NELL1: variants seen among roughly 807,000 people sequenced by gnomAD.
NELL1 encodes the protein neural EGFL like 1.
Under a neutral mutation model 107.4 loss-of-function variants are expected in NELL1, and 76 were observed. The ratio of observed to expected loss-of-function variants is 0.71; its 90% confidence interval spans 0.59 to 0.86. The LOEUF is 0.86. Among genes scored for constraint, NELL1 ranks in the 40% least tolerant of loss-of-function variants. NELL1 has a pLI of 0.00. For missense variants in NELL1, 1,024 were observed against 1,005.5 expected (o/e 1.02, Z -0.25); for synonymous variants, 353 against 341.2 (o/e 1.03, Z -0.38).
chr11:20,721,115 A>T (rs1855370848), intron 2 of NELL1, among the ~76,000 whole-genome samples: 1 of 150,164 alleles, frequency 6.7e-6, no homozygotes, highest in South Asian at 2.1e-4. Flanking sequence ...AGCTTCCAAC[A>T]ATACAGTCTC....
At chr11:21,172,257 C>G (rs1192385428) in intron 13 of NELL1, among the ~76,000 whole-genome samples, 1 of 151,860 alleles carries the variant, frequency 6.6e-6, no homozygotes, top group Non-Finnish European at 1.5e-5. Context: ...TTCTGCAGGA[C>G]AAAACCACAT....
intron 2 of NELL1, among the ~76,000 whole-genome samples, chr11:20,678,530 T>C (rs541453775): frequency 8.5e-5 from 13 of 152,310 alleles, no homozygotes; most frequent in African/African-American, 3.1e-4. Context: ...CACAATTCAT[T>C]AAATCATTCA....
chr11:21,255,849 A>T (rs114422155), intron 14 of NELL1, among the ~76,000 whole-genome samples: 3 of 151,750 alleles, frequency 2.0e-5, no homozygotes, highest in Non-Finnish European at 1.5e-5. Context: ...TGCTTTGTCT[A>T]TTTTCATACT....
At chr11:21,261,505 A>G (rs1168761744) in intron 14 of NELL1, among the ~76,000 whole-genome samples, 2 of 151,602 alleles carry the variant, frequency 1.3e-5, no homozygotes, top group African/African-American at 4.8e-5. Context: ...TGAGCTAGGC[A>G]CTGTTCAAAT....
Position 21,570,788 on chromosome 11 carries a change from A to C in NELL1, c.2005A>C (p.Thr669Pro), listed in dbSNP as rs770217030. ...CKDGKIFCRR[T>P]ACDCQNPSAD... Reference sequence around the variant, plus strand: ...GGATGGCAAGATATTCTGCCGACGGACAGCTTGTGATTGCCAGAATCCAAG... The same window carrying C: ...GGATGGCAAGATATTCTGCCGACGGCCAGCTTGTGATTGCCAGAATCCAAG... The change falls in exon 18 of 20, where the codon ACA becomes CCA. Residue 669 changes from threonine (T) to proline (P), a missense_variant. Physicochemically the swap from Thr to Pro is conservative, Grantham distance 38. Coordinates refer to ENST00000357134, the MANE Select transcript of NELL1 (RefSeq NM_006157.5). The C allele has an allele frequency of 3.7e-6, 6 of 1,611,174 alleles. No individual in the cohort carries two copies. Among genetic ancestry groups the C allele is most frequent in the Non-Finnish European group, 5.1e-6 (6 of 1,178,420 alleles).
chr11:20,902,738 G>T (rs948320494), intron 5 of NELL1, among the ~76,000 whole-genome samples: 16 of 151,922 alleles, frequency 1.1e-4, no homozygotes, highest in African/African-American at 3.9e-4. Context: ...ATCAATAGGA[G>T]AATGTTTAAA....
chr11:21,512,562 G>T (rs1208988076), intron 15 of NELL1, among the ~76,000 whole-genome samples: 2 of 152,076 alleles, frequency 1.3e-5, no homozygotes, highest in African/African-American at 4.8e-5. Context: ...CCAGGAGAGG[G>T]TCTAATTCAA....
intron 14 of NELL1, among the ~76,000 whole-genome samples, chr11:21,317,808 A>G (rs1170061774): frequency 6.6e-6 from 1 of 152,154 alleles, no homozygotes. Context: ...AGGCATTTAT[A>G]GTCTCTGGGC....
At position 21,142,849 on chromosome 11, in the gene NELL1, T is replaced by A. The variant is rs75792427; in HGVS notation, c.1426+29135T>A. 9.5e-3 allele frequency among the ~76,000 whole-genome samples: 1,454 copies of A among 152,314 alleles called. 64 individuals carry two copies. In the East Asian group the frequency reaches 0.11, roughly 12 times the overall value. On this transcript the variant is annotated intron_variant, in intron 13 of 19. Transcript: ENST00000357134. ...CATGAGATAACTAAAAGGATCACTA[T>A]TTTGTGTTGCTGAACCTAATCCTAA...
intron 4 of NELL1, among the ~76,000 whole-genome samples, chr11:20,863,371 C>T (rs1304228665): frequency 1.9e-5 from 1 of 53,160 alleles, no homozygotes; most frequent in Non-Finnish European, 5.8e-5. Context: ...GGGGCTGCCC[C>T]CCACCTCCCT....
Position 20,669,729 on chromosome 11 carries a change from G to A in NELL1, c.6G>A (p.Pro2=). The A allele has an allele frequency of 3.7e-6, 6 of 1,613,432 alleles. No homozygotes were observed. Among genetic ancestry groups the A allele is most frequent in the Non-Finnish European group, 5.1e-6 (6 of 1,179,604 alleles). Residue 2 remains proline, a synonymous_variant, in exon 1 of 20, where the codon CCG becomes CCA. Coordinates refer to ENST00000357134, the MANE Select transcript of NELL1 (RefSeq NM_006157.5). This position sits in a 1 kb window ranked among gnomAD's most constrained non-coding sequence, Gnocchi z 4.4. The part of the protein sequence containing the change: M[P]MDLILVVWFC... ...GGCGGGGACCCTCGAGAGCGATGCC[G>A]ATGGATTTGATTTTAGTTGTGTGGT...
chr11:20,750,441 A>G (rs1436020997), intron 2 of NELL1, among the ~76,000 whole-genome samples: 2 of 151,538 alleles, frequency 1.3e-5, no homozygotes, highest in Non-Finnish European at 2.9e-5. Flanking sequence ...CAGTATATAT[A>G]TTTTTTCTTT....
chr11:21,365,506 T>C (rs1324687967), intron 14 of NELL1, among the ~76,000 whole-genome samples: 3 of 152,202 alleles, frequency 2.0e-5, no homozygotes, highest in Admixed American at 1.3e-4. Flanking sequence ...GCCTGGCATT[T>C]GATAAGTTTT....
chr11:21,192,969 T>G (rs1857078562), intron 13 of NELL1, among the ~76,000 whole-genome samples: 1 of 151,840 alleles, frequency 6.6e-6, no homozygotes, highest in South Asian at 2.1e-4. Flanking sequence ...TTTTAATGAT[T>G]GTTTTAAAGC....
chr11:21,220,433 T>C (rs2133871567), intron 13 of NELL1, among the ~76,000 whole-genome samples: 1 of 152,264 alleles, frequency 6.6e-6, no homozygotes, highest in South Asian at 2.1e-4. Flanking sequence ...CATTAATAGC[T>C]ATTGCATTGA....
At chr11:21,203,052 A>G (rs552833527) in intron 13 of NELL1, among the ~76,000 whole-genome samples, 41 of 152,318 alleles carry the variant, frequency 2.7e-4, no homozygotes, top group African/African-American at 8.9e-4. Context: ...TATGTGGTCA[A>G]TTTTAGAATA....
chr11:21,205,603 C>G (rs542498119), intron 13 of NELL1, among the ~76,000 whole-genome samples: 22 of 152,154 alleles, frequency 1.4e-4, no homozygotes, highest in African/African-American at 5.1e-4. Flanking sequence ...GGCTTCAGCC[C>G]CCTTTCTAGT....
chr11:21,436,343 G>T (rs1808572179), intron 15 of NELL1, among the ~76,000 whole-genome samples: 1 of 152,136 alleles, frequency 6.6e-6, no homozygotes, highest in African/African-American at 2.4e-5. Context: ...ATGAACCACT[G>T]TGCTCAGCCT....
At chr11:20,729,936 G>A (rs562145445) in intron 2 of NELL1, among the ~76,000 whole-genome samples, 62 of 152,298 alleles carry the variant, frequency 4.1e-4, no homozygotes, top group African/African-American at 1.3e-3. Flanking sequence ...AAGGGAAAGG[G>A]AAAGCAGCTG....
Sources: gnomAD v4.1 joint callset for allele counts (sites outside exome capture counted in the v4.1 genomes callset) on GRCh38, gnomAD v4.1.1 for gene constraint, Gnocchi (gnomAD v3.1) non-coding constraint, MANE v1.5 for transcripts, NCBI Gene and HGNC (gene_info 2026-07-23, HGNC 2026-07-21) for gene names.